The following GPAM variants were observed in gnomAD, a reference collection of about 807,000 sequenced individuals.
The protein encoded by GPAM is glycerol-3-phosphate acyltransferase, mitochondrial.
Under a neutral mutation model 105.0 loss-of-function variants are expected in GPAM, and 56 were observed. The ratio of observed to expected loss-of-function variants is 0.53; its 90% confidence interval spans 0.43 to 0.67. The LOEUF is 0.67. Among genes scored for constraint, GPAM ranks in the 30% least tolerant of loss-of-function variants. The probability of loss-of-function intolerance (pLI) is 0.00; values close to 1 mark genes in which losing one functional copy is unlikely to be tolerated. For missense variants in GPAM, 855 were observed against 989.8 expected (o/e 0.86, Z 1.83); for synonymous variants, 368 against 354.4 (o/e 1.04, Z -0.43).
intron 1 of GPAM, among the ~76,000 whole-genome samples, chr10:112,192,767 G>T (rs1847677004): frequency 6.6e-6 from 1 of 152,236 alleles, no homozygotes; most frequent in African/African-American, 2.4e-5. Context: ...TGTCATAAAT[G>T]TCATGGAGGT....
chr10:112,193,355 C>G (rs1403107318), intron 1 of GPAM, among the ~76,000 whole-genome samples: 1 of 152,178 alleles, frequency 6.6e-6, no homozygotes, highest in Non-Finnish European at 1.5e-5. Flanking sequence ...ACGTGAGAAA[C>G]AGGGAGATAC....
At chr10:112,208,263 G>C (rs1847873019) in intron 1 of GPAM, among the ~76,000 whole-genome samples, 1 of 152,170 alleles carries the variant, frequency 6.6e-6, no homozygotes, top group Non-Finnish European at 1.5e-5. Context: ...GGAAGCTGGT[G>C]ACCTGAATTA....
chr10:112,170,500 T>G (rs566800516), intron 9 of GPAM, among the ~76,000 whole-genome samples: 1 of 152,256 alleles, frequency 6.6e-6, no homozygotes, highest in South Asian at 2.1e-4. Context: ...TTCCAAGAAA[T>G]CCTAATTGAG....
At chr10:112,159,099 C>T (rs1847073255) in intron 17 of GPAM, among the ~76,000 whole-genome samples, 1 of 151,944 alleles carries the variant, frequency 6.6e-6, no homozygotes, top group African/African-American at 2.4e-5. Flanking sequence ...CTACTTAATA[C>T]ATATGTCTCA....
In GPAM at chr10:112,181,734, T is replaced by C; in HGVS notation, c.51A>G (p.Pro17=). 6.2e-7 allele frequency: 1 copy of C among 1,611,284 alleles called. No homozygotes were observed. Among genetic ancestry groups the C allele is most frequent in the Non-Finnish European group, 8.5e-7 (1 of 1,177,498 alleles). Residue 17 remains proline, a synonymous_variant, in exon 3 of 22, where the codon CCA becomes CCG. Transcript: ENST00000348367. ...GACCAACACTGTATTCTGATGAATGTGGCAGATAAGAAACATCTATTGTAC... is the reference window on the plus strand; with the variant it reads ...GACCAACACTGTATTCTGATGAATGCGGCAGATAAGAAACATCTATTGTAC... ...TLGTIDVSYL[P]HSSEYSVGRC... is the part of the protein sequence containing the mutation.
chr10:112,167,315 G>A (rs1847235130), intron 11 of GPAM, among the ~76,000 whole-genome samples: 1 of 152,134 alleles, frequency 6.6e-6, no homozygotes, highest in South Asian at 2.1e-4. Context: ...GACTGGAGTG[G>A]TAAGCTGGTA....
chr10:112,195,044 G>A (rs1162394968), intron 1 of GPAM, among the ~76,000 whole-genome samples: 1 of 151,952 alleles, frequency 6.6e-6, no homozygotes, highest in African/African-American at 2.4e-5. Flanking sequence ...TCACTGCCTG[G>A]ATGCCCCACA....
chr10:112,153,483 G>C lies in GPAM; in HGVS notation c.*67C>G. 1 of 1,610,240 alleles carries C rather than the reference G, an allele frequency of 6.2e-7. No homozygotes were observed. The highest frequency in any genetic ancestry group is 8.5e-7 in the Non-Finnish European group (1 of 1,178,190). On this transcript the variant is annotated 3_prime_UTR_variant, in exon 22 of 22. Transcript: ENST00000348367. ...CTGCGATGGCACCTTCAACTCTTGAGCCAGAAGCTGGTACCTACAAGGAAC... is the reference window on the plus strand; with the variant it reads ...CTGCGATGGCACCTTCAACTCTTGACCCAGAAGCTGGTACCTACAAGGAAC...
intron 1 of GPAM, among the ~76,000 whole-genome samples, chr10:112,189,106 G>T (rs1000252104): frequency 2.6e-5 from 4 of 152,198 alleles, no homozygotes; most frequent in African/African-American, 9.6e-5. Flanking sequence ...TAACTGACTT[G>T]CAAAAATCTA....
chr10:112,215,771 T>A (rs1482393521), upstream of GPAM, among the ~76,000 whole-genome samples: 1 of 152,018 alleles, frequency 6.6e-6, no homozygotes, highest in East Asian at 1.9e-4. Flanking sequence ...GGGGTCCCCA[T>A]GGGGTGAGCC....
At chr10:112,172,080 A>T (rs1342228949) in intron 9 of GPAM, 102 bp downstream of exon 9, 6 of 892,504 alleles carry the variant, frequency 6.7e-6, no homozygotes, top group Non-Finnish European at 1.1e-5. Flanking sequence ...AAAAAGGCTA[A>T]TGTCATCTTT....
At chr10:112,220,180 A>G (rs1848005747), upstream of GPAM, among the ~76,000 whole-genome samples, 1 of 151,748 alleles carries the variant, frequency 6.6e-6, no homozygotes, top group Non-Finnish European at 1.5e-5. Flanking sequence ...ACCATTTTCC[A>G]CACCCCTATG....
intron 1 of GPAM, among the ~76,000 whole-genome samples, chr10:112,198,288 A>T (rs1847749366): frequency 1.3e-5 from 2 of 152,230 alleles, no homozygotes; most frequent in African/African-American, 4.8e-5. Context: ...CATAGCTGGT[A>T]AAAGGTGTAT....
intron 1 of GPAM, among the ~76,000 whole-genome samples, chr10:112,202,736 T>C (rs1847812036): frequency 6.6e-6 from 1 of 152,200 alleles, no homozygotes; most frequent in Non-Finnish European, 1.5e-5. Context: ...CTTTCAACCA[T>C]GGAGCCTGGA....
intron 21 of GPAM, chr10:112,153,869 ATT>A (rs3052610): frequency 0.52 from 238,148 of 461,188 alleles, 48,186 homozygotes; most frequent in East Asian, 0.55. Context: ...TTCTTTTTCT[ATT>A]TTTTTTTTTT....
chr10:112,207,240 C>G (rs77389754), intron 1 of GPAM, among the ~76,000 whole-genome samples: 3,881 of 152,242 alleles, frequency 0.025, 61 homozygotes, highest in East Asian at 0.091. Flanking sequence ...GGGACAGTCC[C>G]CACACGAAAA....
chr10:112,150,262 T>C lies in GPAM; in HGVS notation c.*3288A>G, dbSNP rs967257623. 4.1e-6 allele frequency: 4 copies of C among 984,566 alleles called. No homozygotes were observed. Among genetic ancestry groups the C allele is most frequent in the Non-Finnish European group, 4.8e-6 (4 of 828,948 alleles). 61.0% of individuals were successfully genotyped at this position (984,566 alleles called of 1,614,324 possible). A position where few individuals can be genotyped will look rare whatever the true frequency, so the allele number is the denominator to read the frequency against. On this transcript the variant is annotated 3_prime_UTR_variant, in exon 22 of 22. Transcript: ENST00000348367. ...TCCTGTCATGTCTAAACACTACAAC[T>C]ATCTGTGGATAAAAATCTGCATTCA... is the stretch of plus-strand genomic sequence containing the variant.
At chr10:112,202,654 A>C (rs1281729642) in intron 1 of GPAM, among the ~76,000 whole-genome samples, 1 of 152,178 alleles carries the variant, frequency 6.6e-6, no homozygotes, top group South Asian at 2.1e-4. Context: ...TGACACCATA[A>C]AATACCTACA....
upstream of GPAM, chr10:112,183,849 T>G (rs879730696): frequency 5.2e-5 from 8 of 152,390 alleles, no homozygotes; most frequent in African/African-American, 1.9e-4. Flanking sequence ...CCTGCGAGCC[T>G]CAGGGAGCGT....
Sources: allele counts gnomAD v4.1 joint callset (sites outside exome capture counted in the v4.1 genomes callset), GRCh38; gene constraint gnomAD v4.1.1; transcripts MANE v1.5; gene names NCBI Gene and HGNC (gene_info 2026-07-23, HGNC 2026-07-21).